Variants in CNKSR2 observed in about 807,000 individuals in gnomAD.
The protein encoded by CNKSR2 is CNK homolog protein 2.
A neutral mutation model predicts 84.4 loss-of-function variants in CNKSR2; 14 were observed. That is an observed-to-expected ratio of 0.17 (90% CI 0.11 to 0.26). The LOEUF (loss-of-function observed/expected upper bound fraction) is 0.26. Ranked by LOEUF, CNKSR2 falls within the 10% of genes least tolerant of loss-of-function variation. The probability of loss-of-function intolerance (pLI) is 1.00; values close to 1 mark genes in which losing one functional copy is unlikely to be tolerated. For synonymous variants in CNKSR2, 275 were observed against 277.9 expected (o/e 0.99, Z 0.10); for missense variants, 485 against 771.2 (o/e 0.63, Z 4.40).
intron 17 of CNKSR2, among the ~76,000 whole-genome samples, chrX:21,597,747 T>A (rs982197808): frequency 3.6e-5 from 4 of 110,207 alleles, no homozygotes; most frequent in Non-Finnish European, 7.6e-5. Context: ...TTGTTCTATA[T>A]GTAATCTTTT....
intron 20 of CNKSR2, among the ~76,000 whole-genome samples, chrX:21,620,640 A>G (rs778002152): frequency 2.7e-5 from 3 of 111,380 alleles, no homozygotes; most frequent in African/African-American, 9.8e-5. Context: ...CCTTGTATTG[A>G]TACAAAAACA....
In CNKSR2 at chrX:21,579,142, C is replaced by T. The variant is rs758049704; in HGVS notation, c.1609-11430C>T. Among the ~76,000 whole-genome samples the T allele has an allele frequency of 6.2e-5, 7 of 112,202 alleles. No individual in the cohort carries two copies. In the East Asian group the frequency reaches 1.4e-3, roughly 23 times the overall value. On this transcript the variant is annotated intron_variant, in intron 13 of 21. Transcript: ENST00000379510. Reference sequence around the variant, plus strand: ...GTGACTGACACCCTGCCCTGACCTTCGGAGCAAAAGAGCTGCTGCTTTACT... The same window carrying T: ...GTGACTGACACCCTGCCCTGACCTTTGGAGCAAAAGAGCTGCTGCTTTACT...
intron 1 of CNKSR2, among the ~76,000 whole-genome samples, chrX:21,386,363 T>A (rs1417177906): frequency 8.9e-6 from 1 of 111,928 alleles, no homozygotes; most frequent in Non-Finnish European, 1.9e-5. Flanking sequence ...GATAGGAAAG[T>A]TTAGTGAATC....
intron 8 of CNKSR2, among the ~76,000 whole-genome samples, chrX:21,515,967 G>A (rs887832741): frequency 5.4e-5 from 6 of 111,577 alleles, no homozygotes; most frequent in East Asian, 2.8e-4. Context: ...TTGTCCATGC[G>A]TAAGAATGTT....
chrX:21,434,587 A>G (rs1384133287), intron 3 of CNKSR2, among the ~76,000 whole-genome samples: 1 of 111,698 alleles, frequency 9.0e-6, no homozygotes, highest in African/African-American at 3.2e-5. Flanking sequence ...TCAATATACA[A>G]TACTTTAGAT....
chrX:21,602,472 T>TA (rs1441487032), intron 18 of CNKSR2, among the ~76,000 whole-genome samples: 2 of 111,943 alleles, frequency 1.8e-5, no homozygotes, highest in Non-Finnish European at 3.8e-5. Flanking sequence ...AACTCTTTTT[T>TA]AAAAAACACC....
At chrX:21,532,122 C>A in intron 11 of CNKSR2, 55 bp downstream of exon 11, 1 of 920,558 alleles carries the variant, frequency 1.1e-6, no homozygotes, top group Non-Finnish European at 1.5e-6. Context: ...ATAGGAATCT[C>A]AATTTCCTTT....
At chrX:21,549,340 A>T (rs1010936954) in intron 11 of CNKSR2, among the ~76,000 whole-genome samples, 2 of 111,862 alleles carry the variant, frequency 1.8e-5, no homozygotes, top group African/African-American at 3.3e-5. Context: ...TAAAATACCT[A>T]GGAATACAAC....
At chrX:21,642,326 T>A in intron 20 of CNKSR2, 1 of 750,087 alleles carries the variant, frequency 1.3e-6, no homozygotes, top group Non-Finnish European at 1.6e-6. Flanking sequence ...TTGGCACTTG[T>A]ATACAAGTGG....
intron 21 of CNKSR2, among the ~76,000 whole-genome samples, chrX:21,650,165 G>A (rs2092717284): frequency 1.8e-5 from 2 of 110,948 alleles, no homozygotes; most frequent in Non-Finnish European, 1.9e-5. Flanking sequence ...GCAAAGACTT[G>A]GAACCAACCC....
At chrX:21,516,655 A>G (rs2091730410) in intron 9 of CNKSR2, 24 bp downstream of exon 9, 1 of 1,172,216 alleles carries the variant, frequency 8.5e-7, no homozygotes, top group African/African-American at 1.8e-5. Context: ...ATCATAAGTC[A>G]TACACCATCA....
intron 4 of CNKSR2, among the ~76,000 whole-genome samples, chrX:21,443,717 T>C (rs1278203974): frequency 8.9e-6 from 1 of 112,001 alleles, no homozygotes; most frequent in Non-Finnish European, 1.9e-5. Context: ...ATGTCTTTAC[T>C]TAAGTTGTTA....
chrX:21,654,636 T>C lies in CNKSR2; in HGVS notation c.*2115T>C, dbSNP rs773746769. 1 of 112,109 alleles carries C rather than the reference T, an allele frequency of 8.9e-6. No homozygotes were observed. Among genetic ancestry groups the C allele is most frequent in the East Asian group, 2.8e-4 (1 of 3,572 alleles). 9.2% of individuals were successfully genotyped at this position (112,109 alleles called of 1,213,427 possible). Reference sequence around the variant, plus strand: ...CATTTTATTGCATTCGTTTCAAATCTAGGAGAGAGGCAGCACTGTAAACTG... The same window carrying C: ...CATTTTATTGCATTCGTTTCAAATCCAGGAGAGAGGCAGCACTGTAAACTG... On this transcript the variant is annotated 3_prime_UTR_variant, in exon 22 of 22. Transcript: ENST00000379510.
At chrX:21,609,757 T>G in intron 20 of CNKSR2, 140 bp downstream of exon 20, 9 of 806,760 alleles carry the variant, frequency 1.1e-5, no homozygotes, top group Non-Finnish European at 1.5e-5. Flanking sequence ...AGGTCTCCCT[T>G]GGTGACCTAC....
At chrX:21,446,783 A>T (rs2090861929) in intron 4 of CNKSR2, among the ~76,000 whole-genome samples, 1 of 111,829 alleles carries the variant, frequency 8.9e-6, no homozygotes, top group African/African-American at 3.2e-5. Context: ...TTCCTTTTAG[A>T]TAGCAAATAG....
intron 6 of CNKSR2, chrX:21,490,853 C>T (rs1345365254): frequency 6.4e-6 from 1 of 156,884 alleles, no homozygotes; most frequent in Admixed American, 8.5e-5. Context: ...TCACCTCCCT[C>T]CCTACCAAAG....
chrX:21,551,301 A>T (rs774313897), intron 11 of CNKSR2, among the ~76,000 whole-genome samples: 18 of 112,050 alleles, frequency 1.6e-4, no homozygotes, highest in African/African-American at 5.8e-4. Flanking sequence ...CCACCATGGC[A>T]CGTGCATACC....
intron 15 of CNKSR2, chrX:21,593,365 G>A (rs1389063442): frequency 9.0e-6 from 1 of 111,681 alleles, no homozygotes; most frequent in African/African-American, 3.2e-5. Flanking sequence ...TTTGTTTTGC[G>A]TGGAAGCTTA....
At chrX:21,528,654 A>G (rs1486753587) in intron 10 of CNKSR2, among the ~76,000 whole-genome samples, 1 of 111,517 alleles carries the variant, frequency 9.0e-6, no homozygotes, top group African/African-American at 3.2e-5. Context: ...AAATTGAAAT[A>G]TCAACATAGT....
Sources: gnomAD v4.1 joint callset for allele counts (sites outside exome capture counted in the v4.1 genomes callset) on GRCh38, gnomAD v4.1.1 for gene constraint, MANE v1.5 for transcripts, NCBI Gene and HGNC (gene_info 2026-07-23, HGNC 2026-07-21) for gene names.